FBRSL1: variants seen among roughly 807,000 people sequenced by gnomAD.
FBRSL1 encodes the protein fibrosin like 1.
FBRSL1 carries 51 observed loss-of-function variants against 89.6 expected under a neutral mutation model. That is an observed-to-expected ratio of 0.57 (90% CI 0.45 to 0.72). The LOEUF (loss-of-function observed/expected upper bound fraction) is 0.72, where lower values mean the gene tolerates loss of function less well. Ranked by LOEUF, FBRSL1 falls within the 30% of genes least tolerant of loss-of-function variation. FBRSL1 has a pLI of 0.00. For synonymous variants in FBRSL1, 779 were observed against 681.1 expected, an observed-to-expected ratio of 1.14 and a Z score of -2.24; for missense variants, 1,618 against 1,451.8, an observed-to-expected ratio of 1.11 and a Z score of -1.86.
intron 4 of FBRSL1, among the ~76,000 whole-genome samples, chr12:132,538,506 T>G (rs2137145802): frequency 6.6e-6 from 1 of 152,292 alleles, no homozygotes; most frequent in East Asian, 1.9e-4. Context: ...AGCCCAGAGC[T>G]TTCCCTGGCA....
At chr12:132,577,616 ACTCCCCCGAGTCACCCC>A (rs1006850232) in intron 15 of FBRSL1, among the ~76,000 whole-genome samples, 9 of 150,492 alleles carry the variant, frequency 6.0e-5, no homozygotes, top group African/African-American at 1.7e-4. Context: ...TCAGTCACCC[ACTCCCCCGAGTCACCCC>A]CTCCCCCGGG....
At chr12:132,510,278 G>A (rs2136624007) in intron 2 of FBRSL1, 2 of 1,230,188 alleles carry the variant, frequency 1.6e-6, no homozygotes, top group Admixed American at 4.2e-5. Context: ...CTCTCCTGGG[G>A]CTCCTGTGCC....
In FBRSL1 at chr12:132,567,396, C is replaced by G. The variant is rs909417601; in HGVS notation, c.646-85C>G. 4.1e-5 allele frequency: 58 copies of G among 1,401,790 alleles called. 1 individual carries two copies. The highest frequency in any genetic ancestry group is 5.5e-5 in the Non-Finnish European group (56 of 1,015,192). The allele number at this position is 1,401,790 out of a possible 1,614,324, so 86.8% of individuals were successfully genotyped here. A position where few individuals can be genotyped will look rare whatever the true frequency, so the allele number is the denominator to read the frequency against. ...CGCCTGGCCCTGCTGGAAAACCACCCAGACTTGTGTGTGGGCATTGGGCGC... is the reference window on the plus strand; with the variant it reads ...CGCCTGGCCCTGCTGGAAAACCACCGAGACTTGTGTGTGGGCATTGGGCGC... On this transcript the variant is annotated intron_variant, in intron 5 of 18. Transcript: ENST00000680143.
chr12:132,518,616 A>G (rs565402704), intron 2 of FBRSL1, among the ~76,000 whole-genome samples: 23 of 144,466 alleles, frequency 1.6e-4, no homozygotes, highest in African/African-American at 6.0e-4. Flanking sequence ...CCACCCGTCT[A>G]TCCATGCATC....
intron 1 of FBRSL1, among the ~76,000 whole-genome samples, chr12:132,492,490 G>C (rs565821397): frequency 1.2e-4 from 18 of 152,344 alleles, no homozygotes; most frequent in Non-Finnish European, 2.6e-4. Flanking sequence ...ATGGGGTCTG[G>C]TGCCGGGAAG....
intron 1 of FBRSL1, among the ~76,000 whole-genome samples, chr12:132,504,887 T>G (rs1223464203): frequency 6.6e-6 from 1 of 151,936 alleles, no homozygotes; most frequent in Admixed American, 6.5e-5. Context: ...CCCAGCACTC[T>G]GGGGGGCTGA....
rs1047265544 is a variant in FBRSL1 at position 132,511,720 on chromosome 12, G to A, written c.489+3370G>A. On this transcript the variant is annotated intron_variant, in intron 2 of 18. Coordinates refer to ENST00000680143, the MANE Select transcript of FBRSL1 (RefSeq NM_001367871.1). ...GTGTCCCTGGCTCCCAGGCCAGGCA[G>A]CTGCTGACCTCCAGCACCCCGCACT... The A allele has an allele frequency of 8.1e-6, 8 of 985,326 alleles. No homozygotes were observed. The Admixed American group carries it at 3.1e-4, about 38-fold the overall frequency. The allele number at this position is 985,326 out of a possible 1,614,324, so 61.0% of individuals were successfully genotyped here. A position where few individuals can be genotyped will look rare whatever the true frequency, so the allele number is the denominator to read the frequency against.
At position 132,567,531 on chromosome 12, in the gene FBRSL1, G is replaced by A; in HGVS notation, c.691+5G>A. On this transcript the variant is annotated splice_donor_5th_base_variant and intron_variant, in intron 6 of 18. Transcript: ENST00000680143. ...TTGCGCCGGGAACCGATAAAGGTAAGTGGGTCCCCTCGGCCCAGCTCCTGG... is the reference window on the plus strand; with the variant it reads ...TTGCGCCGGGAACCGATAAAGGTAAATGGGTCCCCTCGGCCCAGCTCCTGG... The A allele has an allele frequency of 1.3e-6, 2 of 1,550,980 alleles. No individual in the cohort carries two copies. Among genetic ancestry groups the A allele is most frequent in the South Asian group, 1.2e-5 (1 of 84,060 alleles).
chr12:132,581,196 C>G, intron 15 of FBRSL1: 1 of 985,444 alleles, frequency 1.0e-6, no homozygotes, highest in Non-Finnish European at 1.2e-6. Flanking sequence ...CAGCACCTCC[C>G]TCCCTGCCCC....
chr12:132,563,486 G>C (rs930838485), intron 5 of FBRSL1, among the ~76,000 whole-genome samples: 3 of 151,824 alleles, frequency 2.0e-5, no homozygotes, highest in Admixed American at 2.0e-4. Flanking sequence ...GTGGATCTCT[G>C]TCCGTCGCGG....
chr12:132,558,504 T>C (rs1185337595), intron 5 of FBRSL1, among the ~76,000 whole-genome samples: 1 of 152,242 alleles, frequency 6.6e-6, no homozygotes, highest in Non-Finnish European at 1.5e-5. Context: ...GCCGTTTTCA[T>C]GGCAGGAAAC....
intron 4 of FBRSL1, among the ~76,000 whole-genome samples, chr12:132,544,052 A>T (rs907886833): frequency 6.6e-6 from 1 of 152,198 alleles, no homozygotes; most frequent in African/African-American, 2.4e-5. Flanking sequence ...AGGAGGAAGG[A>T]ACAGAGCCCA....
In FBRSL1 at chr12:132,583,397, C is replaced by T. The variant is rs1296558893; in HGVS notation, c.2628C>T (p.Ala876=). 5 of 1,080,886 alleles carry T rather than the reference C, an allele frequency of 4.6e-6. No individual in the cohort carries two copies. Among genetic ancestry groups the T allele is most frequent in the Non-Finnish European group, 5.6e-6 (5 of 891,298 alleles). The allele number at this position is 1,080,886 out of a possible 1,614,324, so 67.0% of individuals were successfully genotyped here. ...CCGCCCCCGCCCCGGGCTCCGCCGCCCTCTTGGAGCCCCCGGAGCGCCCCT... is the reference window on the plus strand; with the variant it reads ...CCGCCCCCGCCCCGGGCTCCGCCGCTCTCTTGGAGCCCCCGGAGCGCCCCT... ...PAAAPAPGSA[A]LLEPPERPYR... is the part of the protein sequence containing the mutation. The change falls in exon 19 of 19, where the codon GCC becomes GCT. Residue 876 remains alanine, a synonymous_variant. Coordinates refer to ENST00000680143, the MANE Select transcript of FBRSL1 (RefSeq NM_001367871.1).
intron 1 of FBRSL1, among the ~76,000 whole-genome samples, chr12:132,507,651 G>T (rs1566111256): frequency 1.3e-5 from 2 of 152,174 alleles, no homozygotes; most frequent in African/African-American, 2.4e-5. Context: ...CCGTCTGGGA[G>T]CACTGGCCAG....
rs559048046 is a variant in FBRSL1 at position 132,499,211 on chromosome 12, G to A, written c.291+8350G>A. Among the ~76,000 whole-genome samples the A allele has an allele frequency of 6.6e-5, 10 of 152,226 alleles. 1 individual carries two copies. Among genetic ancestry groups the A allele is most frequent in the African/African-American group, 1.9e-4 (8 of 41,534 alleles). ...TGGAGCCTCCAGGGCCGGCCAGGCA[G>A]GGATGGTGCCGGGCAGGGGTGGTGC... On this transcript the variant is annotated intron_variant, in intron 1 of 18. Transcript: ENST00000680143. This position sits in a 1 kb window ranked among gnomAD's most constrained non-coding sequence, Gnocchi z 4.3.
chr12:132,577,014 G>T (rs2040423708), intron 15 of FBRSL1, 83 bp downstream of exon 15: 4 of 1,488,198 alleles, frequency 2.7e-6, no homozygotes, highest in Non-Finnish European at 3.6e-6. Context: ...TGCCAGGAGT[G>T]AGAGCGCTCT....
In FBRSL1 at chr12:132,583,473, C is replaced by T. The variant is rs1285217715; in HGVS notation, c.2704C>T (p.Leu902=). ...CAGCCCCGAGCGCCTGCGCGGGGAG[C>T]TGGAGCGCGCGCGGGCCCCGCACCT... The part of the protein sequence containing the change: ...GYSPERLRGE[L]ERARAPHLPP... Residue 902 remains leucine, a synonymous_variant, in exon 19 of 19, where the codon CTG becomes TTG. Transcript: ENST00000680143. 2 of 1,056,662 alleles carry T rather than the reference C, an allele frequency of 1.9e-6. No individual in the cohort carries two copies. The highest frequency in any genetic ancestry group is 8.8e-5 in the East Asian group (1 of 11,316). 65.5% of individuals were successfully genotyped at this position (1,056,662 alleles called of 1,614,324 possible). A position where few individuals can be genotyped will look rare whatever the true frequency, so the allele number is the denominator to read the frequency against.
intron 2 of FBRSL1, among the ~76,000 whole-genome samples, chr12:132,521,744 C>T (rs1341482536): frequency 3.9e-5 from 6 of 152,328 alleles, no homozygotes; most frequent in African/African-American, 1.2e-4. Context: ...CGCTCCAGGG[C>T]TGCCATTCCC....
At chr12:132,498,981 C>T (rs150053316) in intron 1 of FBRSL1, among the ~76,000 whole-genome samples, 5 of 152,370 alleles carry the variant, frequency 3.3e-5, no homozygotes, top group Admixed American at 6.5e-5. Context: ...CCTCTGCTCT[C>T]ACCACGGCAG....
Sources: gnomAD v4.1 joint callset for allele counts (sites outside exome capture counted in the v4.1 genomes callset) on GRCh38, gnomAD v4.1.1 for gene constraint, Gnocchi (gnomAD v3.1) non-coding constraint, MANE v1.5 for transcripts, NCBI Gene and HGNC (gene_info 2026-07-23, HGNC 2026-07-21) for gene names.